NUDT3: variants seen among roughly 807,000 people sequenced by gnomAD.
The protein encoded by NUDT3 is nudix hydrolase 3.
A neutral mutation model predicts 23.6 loss-of-function variants in NUDT3; 9 were observed. The observed-to-expected ratio is 0.38, with a 90% confidence interval of 0.23 to 0.66. The LOEUF (loss-of-function observed/expected upper bound fraction) is 0.66. Ranked by LOEUF, NUDT3 falls within the 30% of genes least tolerant of loss-of-function variation. The pLI, the probability that NUDT3 is intolerant of heterozygous loss-of-function variation, is 0.52. For synonymous variants in NUDT3, 86 were observed against 82.6 expected, an observed-to-expected ratio of 1.04 and a Z score of -0.22; for missense variants, 172 against 218.5, an observed-to-expected ratio of 0.79 and a Z score of 1.34.
chr6:34,392,291 C>G lies in NUDT3; in HGVS notation c.72G>C (p.Leu24=), dbSNP rs1235078815. 2 of 1,604,930 alleles carry G rather than the reference C, an allele frequency of 1.2e-6. No homozygotes were observed. The highest frequency in any genetic ancestry group is 2.3e-5 in the East Asian group (1 of 44,168). Residue 24 remains leucine (L), a synonymous_variant, in exon 1 of 5, where the codon CTG becomes CTC. Transcript: ENST00000607016. ...GDGYKKRAAC[L]CFRSESEEEV... ...CCTCCTCGCTCTCGCTGCGGAAACA[C>G]AGGCATGCGGCCCGCTTCTTGTAGC...
chr6:34,310,712 C>T (rs1256481333), intron 2 of NUDT3, among the ~76,000 whole-genome samples: 1 of 152,180 alleles, frequency 6.6e-6, no homozygotes, highest in African/African-American at 2.4e-5. Context: ...GCGTTACCCT[C>T]ATACCAAAAC....
intron 1 of NUDT3, among the ~76,000 whole-genome samples, chr6:34,344,470 T>C (rs749954506): frequency 1.3e-5 from 2 of 152,050 alleles, no homozygotes; most frequent in African/African-American, 4.8e-5. Context: ...TCCATGAATA[T>C]GAAATACGCA....
chr6:34,376,855 C>T (rs764537641), intron 1 of NUDT3, among the ~76,000 whole-genome samples: 7 of 152,108 alleles, frequency 4.6e-5, no homozygotes, highest in Non-Finnish European at 1.0e-4. Flanking sequence ...ATACCCTTAG[C>T]TCCCAGCCAG....
chr6:34,357,171 A>C (rs1487384020), intron 1 of NUDT3, among the ~76,000 whole-genome samples: 1 of 152,150 alleles, frequency 6.6e-6, no homozygotes, highest in East Asian at 1.9e-4. Context: ...ATTTGACCCA[A>C]AATAATAGTG....
At chr6:34,333,848 C>T (rs900451297) in intron 2 of NUDT3, among the ~76,000 whole-genome samples, 1 of 152,238 alleles carries the variant, frequency 6.6e-6, no homozygotes, top group Admixed American at 6.5e-5. Context: ...CCCAAAGGGG[C>T]ATACTACATG....
chr6:34,372,742 T>G (rs1764852483), intron 1 of NUDT3, among the ~76,000 whole-genome samples: 1 of 151,804 alleles, frequency 6.6e-6, no homozygotes, highest in Non-Finnish European at 1.5e-5. Flanking sequence ...AGGCAGAGGT[T>G]GTGGTGGGCC....
At chr6:34,367,343 G>A (rs1462866423) in intron 1 of NUDT3, among the ~76,000 whole-genome samples, 3 of 152,034 alleles carry the variant, frequency 2.0e-5, no homozygotes, top group Non-Finnish European at 2.9e-5. Context: ...TTAGCCGGGT[G>A]TGGTGGCGTG....
rs1763309541 is a variant in NUDT3, at chr6:34,284,190, AT to A, written c.*4562del. The A allele has an allele frequency of 6.6e-6, 1 of 152,184 alleles. No individual in the cohort carries two copies. 9.4% of individuals were successfully genotyped at this position (152,184 alleles called of 1,614,324 possible). On this transcript the variant is annotated 3_prime_UTR_variant, in exon 5 of 5. Transcript: ENST00000607016. ...ACAGTCTTTAAGAAACAGAAGAGCC[AT>A]TTGCATTATTTAATCACCATTCAAT...
chr6:34,355,680 C>T (rs1190935673), intron 1 of NUDT3, among the ~76,000 whole-genome samples: 1 of 114,148 alleles, frequency 8.8e-6, no homozygotes, highest in Non-Finnish European at 1.6e-5. Flanking sequence ...GGCCCTACAG[C>T]TGTTTTTTTG....
intron 1 of NUDT3, among the ~76,000 whole-genome samples, chr6:34,390,785 C>T (rs1286878564): frequency 6.6e-6 from 1 of 152,060 alleles, no homozygotes; most frequent in Non-Finnish European, 1.5e-5. Flanking sequence ...ATTAGTTTTC[C>T]CTTCAGTTAA....
At chr6:34,290,939 C>T (rs557619667) in intron 4 of NUDT3, among the ~76,000 whole-genome samples, 4 of 151,040 alleles carry the variant, frequency 2.6e-5, no homozygotes, top group Admixed American at 1.3e-4. Context: ...GGATTACAGG[C>T]GCCCACAACC....
chr6:34,320,638 A>C lies in NUDT3; in HGVS notation c.210+21224T>G, dbSNP rs186299002. Among the ~76,000 whole-genome samples the C allele has an allele frequency of 8.7e-4, 133 of 152,226 alleles. No individual in the cohort carries two copies. In the East Asian group the frequency reaches 0.011, roughly 12 times the overall value. On this transcript the variant is annotated intron_variant, in intron 2 of 4. Coordinates refer to ENST00000607016, the MANE Select transcript of NUDT3 (RefSeq NM_006703.4). Reference sequence around the variant, plus strand: ...TTTCTTGAGCCCGGAGTTCGAGACCAGCCCGGTCAACATGGTGAAACCCCA... The same window carrying C: ...TTTCTTGAGCCCGGAGTTCGAGACCCGCCCGGTCAACATGGTGAAACCCCA...
chr6:34,315,175 G>C (rs1461950738), intron 2 of NUDT3, among the ~76,000 whole-genome samples: 1 of 152,164 alleles, frequency 6.6e-6, no homozygotes, highest in East Asian at 1.9e-4. Context: ...AAGGGAGTGG[G>C]GGGAACAAAC....
intron 2 of NUDT3, among the ~76,000 whole-genome samples, chr6:34,297,702 C>A (rs1244186386): frequency 7.6e-6 from 1 of 130,976 alleles, no homozygotes. Flanking sequence ...GTGCACATCA[C>A]TACACCCGGC....
chr6:34,392,407 G>GCCC lies in NUDT3; in HGVS notation c.-46_-45insGGG. ...GTGCGGTGCGGGTCGCAGGAGTCGA[G>GCCC]GGGTGGGGAGCCCGCTCTGGACGGC... On this transcript the variant is annotated 5_prime_UTR_variant, in exon 1 of 5. Coordinates refer to ENST00000607016, the MANE Select transcript of NUDT3 (RefSeq NM_006703.4). The GCCC allele has an allele frequency of 6.7e-7, 1 of 1,491,598 alleles. No individual in the cohort carries two copies. The highest frequency in any genetic ancestry group is 9.1e-7 in the Non-Finnish European group (1 of 1,094,402). 92.4% of individuals were successfully genotyped at this position (1,491,598 alleles called of 1,614,324 possible).
At chr6:34,346,064 C>T (rs913784679) in intron 1 of NUDT3, among the ~76,000 whole-genome samples, 3 of 152,156 alleles carry the variant, frequency 2.0e-5, no homozygotes, top group Non-Finnish European at 2.9e-5. Flanking sequence ...CCACCGCGCC[C>T]GGCCAAGTTT....
chr6:34,303,352 A>G (rs939251216), intron 2 of NUDT3, among the ~76,000 whole-genome samples: 2 of 152,032 alleles, frequency 1.3e-5, no homozygotes, highest in Non-Finnish European at 1.5e-5. Context: ...TCTATTAATA[A>G]TAGTTCCTGT....
intron 1 of NUDT3, among the ~76,000 whole-genome samples, chr6:34,385,362 C>T (rs2113771043): frequency 6.6e-6 from 1 of 151,902 alleles, no homozygotes; most frequent in East Asian, 1.9e-4. Context: ...CCGAGGCGGG[C>T]GGATCACCTG....
At chr6:34,353,309 T>C (rs1272077189) in intron 1 of NUDT3, among the ~76,000 whole-genome samples, 1 of 152,188 alleles carries the variant, frequency 6.6e-6, no homozygotes, top group African/African-American at 2.4e-5. Context: ...TATTATTTGT[T>C]ATACACAAAT....
Sources: gnomAD v4.1 joint callset for allele counts (sites outside exome capture counted in the v4.1 genomes callset) on GRCh38, gnomAD v4.1.1 for gene constraint, MANE v1.5 for transcripts, NCBI Gene and HGNC (gene_info 2026-07-23, HGNC 2026-07-21) for gene names.